The following WDR76 variants were observed in gnomAD, a reference collection of about 807,000 sequenced individuals.
WDR76 encodes WD repeat-containing protein 76.
In WDR76, 52 loss-of-function variants were observed where a neutral mutation model predicts 70.2. That is an observed-to-expected ratio of 0.74 (90% confidence interval 0.59 to 0.93). The LOEUF is 0.93. WDR76 is among the 40% of genes least tolerant of loss of function. WDR76 has a pLI of 0.00. For missense variants in WDR76, 756 were observed against 760.2 expected (o/e 0.99, Z 0.07); for synonymous variants, 292 against 271.1 (o/e 1.08, Z -0.76).
chr15:43,848,770 C>G (rs1043133292), intron 8 of WDR76, among the ~76,000 whole-genome samples: 1 of 152,064 alleles, frequency 6.6e-6, no homozygotes, highest in Non-Finnish European at 1.5e-5. Flanking sequence ...GAAACCCTGT[C>G]TCTACTAAAA....
intron 5 of WDR76, among the ~76,000 whole-genome samples, chr15:43,840,499 A>G (rs2087711257): frequency 1.3e-5 from 2 of 152,228 alleles, no homozygotes; most frequent in South Asian, 4.1e-4. Flanking sequence ...TTATTTAGCA[A>G]ACATTTTCTA....
chr15:43,835,872 G>T (rs1289037158), intron 3 of WDR76, among the ~76,000 whole-genome samples: 1 of 151,856 alleles, frequency 6.6e-6, no homozygotes, highest in Admixed American at 6.6e-5. Flanking sequence ...GGTAAGGCTG[G>T]TCTCGAACTG....
chr15:43,858,507 A>G (rs772854813), intron 10 of WDR76, 164 bp from the exon 11 acceptor site: 42 of 792,814 alleles, frequency 5.3e-5, no homozygotes, highest in Non-Finnish European at 7.4e-5. Flanking sequence ...CCACCTCCCA[A>G]AGTGCTGGGA....
At chr15:43,837,368 A>C (rs570533344) in intron 4 of WDR76, among the ~76,000 whole-genome samples, 3 of 152,210 alleles carry the variant, frequency 2.0e-5, no homozygotes, top group Non-Finnish European at 4.4e-5. Flanking sequence ...TTAACACTGG[A>C]AAAACAGTAG....
intron 1 of WDR76, 117 bp from the exon 2 acceptor site, chr15:43,827,848 A>G (rs994584885): frequency 2.9e-5 from 35 of 1,201,164 alleles, no homozygotes; most frequent in Non-Finnish European, 3.4e-5. Context: ...CCTGGCCTCA[A>G]TTTGGATTTA....
intron 12 of WDR76, among the ~76,000 whole-genome samples, chr15:43,865,384 G>A (rs1338782186): frequency 1.3e-5 from 2 of 150,230 alleles, no homozygotes; most frequent in Admixed American, 6.6e-5. Flanking sequence ...GTGATTCTCC[G>A]GCCTCAGCCT....
Position 43,867,555 on chromosome 15 carries a change from A to G in WDR76, c.*1163A>G, listed in dbSNP as rs1388315393. 7.0e-6 allele frequency: 1 copy of G among 142,758 alleles called. No homozygotes were observed. The highest frequency in any genetic ancestry group is 1.5e-5 in the Non-Finnish European group (1 of 67,132). 8.8% of individuals were successfully genotyped at this position (142,758 alleles called of 1,614,324 possible). On this transcript the variant is annotated 3_prime_UTR_variant, in exon 13 of 13. Transcript: ENST00000263795. The stretch of plus-strand genomic sequence containing the variant: ...TATATGTTTATGTGTATTCTGATGT[A>G]AAATATATATATATATATATTTTAT...
At chr15:43,856,337 A>G (rs1024747079) in intron 9 of WDR76, among the ~76,000 whole-genome samples, 2 of 152,180 alleles carry the variant, frequency 1.3e-5, no homozygotes, top group African/African-American at 4.8e-5. Flanking sequence ...AAAAATGTAT[A>G]TATTTACTCT....
At chr15:43,862,272 GTTTCTT>G (rs2088007426) in intron 12 of WDR76, among the ~76,000 whole-genome samples, 3 of 35,604 alleles carry the variant, frequency 8.4e-5, no homozygotes, top group African/African-American at 2.2e-4. Context: ...CATTTTATCA[GTTTCTT>G]TTTTTTTTTT....
Position 43,842,531 on chromosome 15 carries a change from G to A in WDR76, c.834+15G>A. 1 of 1,611,584 alleles carries A rather than the reference G, an allele frequency of 6.2e-7. No individual in the cohort carries two copies. Among genetic ancestry groups the A allele is most frequent in the Non-Finnish European group, 8.5e-7 (1 of 1,178,616 alleles). ...GAATGAGCAAGGTATCACTTGGGAA[G>A]GCCAATAGCCTTTAGAATCATCTGT... On this transcript the variant is annotated intron_variant, in intron 6 of 12. Transcript: ENST00000263795.
chr15:43,850,063 C>T (rs1338295870), intron 8 of WDR76, among the ~76,000 whole-genome samples: 7 of 151,694 alleles, frequency 4.6e-5, no homozygotes, highest in Non-Finnish European at 2.9e-5. Flanking sequence ...AAAAAGAAAA[C>T]AAAAATGCTT....
intron 1 of WDR76, among the ~76,000 whole-genome samples, chr15:43,827,412 T>C (rs2087530994): frequency 6.6e-6 from 1 of 152,164 alleles, no homozygotes; most frequent in African/African-American, 2.4e-5. Flanking sequence ...ATGCTAGTCA[T>C]TATTATTATT....
Position 43,867,118 on chromosome 15 carries a change from T to C in WDR76, c.*726T>C, listed in dbSNP as rs1396318870. 6.6e-6 allele frequency: 1 copy of C among 152,248 alleles called. No individual in the cohort carries two copies. The highest frequency in any genetic ancestry group is 2.4e-5 in the African/African-American group (1 of 41,468). The allele number at this position is 152,248 out of a possible 1,614,324, so 9.4% of individuals were successfully genotyped here. On this transcript the variant is annotated 3_prime_UTR_variant, in exon 13 of 13. Coordinates refer to ENST00000263795, the MANE Select transcript of WDR76 (RefSeq NM_024908.4). Reference sequence around the variant, plus strand: ...TGGAAGGGGACCCGGAAAGGTAATGTAACTCAGTGATTTTAAAACTTGATT... The same window carrying C: ...TGGAAGGGGACCCGGAAAGGTAATGCAACTCAGTGATTTTAAAACTTGATT...
At chr15:43,863,065 A>G (rs1166161777) in intron 12 of WDR76, among the ~76,000 whole-genome samples, 1 of 152,136 alleles carries the variant, frequency 6.6e-6, no homozygotes, top group Non-Finnish European at 1.5e-5. Context: ...CCTCTTGAGT[A>G]GCTGGGACTA....
At chr15:43,833,380 G>A (rs560998793) in intron 2 of WDR76, among the ~76,000 whole-genome samples, 2 of 146,682 alleles carry the variant, frequency 1.4e-5, no homozygotes, top group African/African-American at 2.5e-5. Context: ...GTGCAGTGGC[G>A]CCATCTCGGC....
chr15:43,831,748 T>G (rs2087592080), intron 2 of WDR76, among the ~76,000 whole-genome samples: 1 of 151,942 alleles, frequency 6.6e-6, no homozygotes, highest in African/African-American at 2.4e-5. Flanking sequence ...CATGTCTTTC[T>G]TTCTTGGTTT....
intron 12 of WDR76, among the ~76,000 whole-genome samples, chr15:43,862,596 C>T (rs1400695604): frequency 6.6e-6 from 1 of 151,182 alleles, no homozygotes; most frequent in African/African-American, 2.4e-5. Context: ...ACAAGCTCCA[C>T]CTCCCTGGTT....
chr15:43,827,186 G>GC (rs2141718161), intron 1 of WDR76, 94 bp downstream of exon 1: 1 of 1,540,822 alleles, frequency 6.5e-7, no homozygotes, highest in East Asian at 2.3e-5. Context: ...AGGGCACCTG[G>GC]CACCGGGGGT....
At chr15:43,837,126 G>A (rs921976523) in intron 4 of WDR76, among the ~76,000 whole-genome samples, 4 of 151,874 alleles carry the variant, frequency 2.6e-5, no homozygotes, top group Non-Finnish European at 5.9e-5. Context: ...TTGAACTCAA[G>A]GGTGTTTAAA....
Sources: allele counts gnomAD v4.1 joint callset (sites outside exome capture counted in the v4.1 genomes callset), GRCh38; gene constraint gnomAD v4.1.1; transcripts MANE v1.5; gene names NCBI Gene and HGNC (gene_info 2026-07-23, HGNC 2026-07-21).